Variants in NELL2 observed in about 807,000 individuals in gnomAD.
NELL2 encodes the protein protein kinase C-binding protein NELL2.
Under a neutral mutation model 109.6 loss-of-function variants are expected in NELL2, and 41 were observed. The ratio of observed to expected loss-of-function variants is 0.37; its 90% confidence interval spans 0.29 to 0.49. NELL2 has a LOEUF of 0.49. NELL2 is among the 20% of genes least tolerant of loss of function. The pLI, the probability that NELL2 is intolerant of heterozygous loss-of-function variation, is 0.98. For synonymous variants in NELL2, 355 were observed against 344.7 expected (o/e 1.03, Z -0.33); for missense variants, 900 against 1,008.3 (o/e 0.89, Z 1.45).
intron 9 of NELL2, among the ~76,000 whole-genome samples, chr12:44,739,337 T>A (rs1215628705): frequency 1.3e-5 from 2 of 152,156 alleles, no homozygotes; most frequent in East Asian, 3.9e-4. Context: ...TACATCTAAA[T>A]GGTATGAAAT....
chr12:44,624,646 G>T (rs1367416324), intron 13 of NELL2, among the ~76,000 whole-genome samples: 1 of 152,014 alleles, frequency 6.6e-6, no homozygotes, highest in Non-Finnish European at 1.5e-5. Context: ...ATCCCTTTAA[G>T]GTAAAGTGGG....
At chr12:44,716,093 C>A (rs981464585) in intron 9 of NELL2, among the ~76,000 whole-genome samples, 3 of 152,072 alleles carry the variant, frequency 2.0e-5, no homozygotes, top group Admixed American at 1.3e-4. Context: ...AGCCACCATG[C>A]CTGGTCTATT....
At chr12:44,836,259 T>A (rs1205701217) in intron 2 of NELL2, among the ~76,000 whole-genome samples, 3 of 152,160 alleles carry the variant, frequency 2.0e-5, no homozygotes, top group Non-Finnish European at 1.5e-5. Flanking sequence ...CACAGTGAAT[T>A]CCAATTCTAT....
chr12:44,661,343 ACTTT>A (rs1409033797), intron 13 of NELL2, among the ~76,000 whole-genome samples: 1 of 152,180 alleles, frequency 6.6e-6, no homozygotes, highest in Non-Finnish European at 1.5e-5. Flanking sequence ...TTGCAAGTGT[ACTTT>A]CTTTCTTGCA....
At chr12:44,698,665 C>T (rs1176975788) in intron 12 of NELL2, among the ~76,000 whole-genome samples, 4 of 152,282 alleles carry the variant, frequency 2.6e-5, no homozygotes, top group Middle Eastern at 3.4e-3. Flanking sequence ...TGGGCTCAGA[C>T]TATACTAAAC....
chr12:44,518,844 G>A (rs899038704), intron 19 of NELL2, among the ~76,000 whole-genome samples: 13 of 152,074 alleles, frequency 8.5e-5, no homozygotes, highest in African/African-American at 1.9e-4. Flanking sequence ...AAGGAACATC[G>A]CATATACATT....
Position 44,665,525 on chromosome 12 carries a change from C to T in NELL2, c.1403G>A (p.Cys468Tyr). ...ATCAATTCTGATGTATCCAGTTTTGCAGATGCACATAAAAGAACCCGGGGT... is the reference window on the plus strand; with the variant it reads ...ATCAATTCTGATGTATCCAGTTTTGTAGATGCACATAAAAGAACCCGGGGT... ...VNTPGSFMCI[C>Y]KTGYIRIDDY... Residue 468 changes from cysteine to tyrosine, a missense_variant, in exon 13 of 20, where the codon TGC becomes TAC. This residue lies in a region of NELL2 where 292 missense variants were observed against 265.3 expected (regional missense o/e 1.10). Coordinates refer to ENST00000429094, the MANE Select transcript of NELL2 (RefSeq NM_001145108.2). 6.2e-7 allele frequency: 1 copy of T among 1,613,474 alleles called. No individual in the cohort carries two copies. The highest frequency in any genetic ancestry group is 8.5e-7 in the Non-Finnish European group (1 of 1,179,478).
intron 2 of NELL2, among the ~76,000 whole-genome samples, chr12:44,872,163 G>T (rs751004246): frequency 6.6e-5 from 10 of 152,096 alleles, no homozygotes; most frequent in Non-Finnish European, 1.5e-4. Flanking sequence ...ACCTTTCATA[G>T]GTCTTTTTAT....
chr12:44,766,031 A>C (rs1277865930), intron 9 of NELL2, among the ~76,000 whole-genome samples: 1 of 151,794 alleles, frequency 6.6e-6, no homozygotes, highest in East Asian at 1.9e-4. Flanking sequence ...GGCTGCAGTG[A>C]GTCAAGATTG....
At chr12:44,661,954 C>CTCTCTCTCTGTCTTTCTTCCCTTG (rs1947758701) in intron 13 of NELL2, among the ~76,000 whole-genome samples, 1 of 151,858 alleles carries the variant, frequency 6.6e-6, no homozygotes, top group Non-Finnish European at 1.5e-5. Flanking sequence ...TCCTGCTCCT[C>CTCTCTCTCTGTCTTTCTTCCCTTG]TCTCTCTCTG....
chr12:44,567,969 A>G (rs1004619686), intron 15 of NELL2, among the ~76,000 whole-genome samples: 3 of 152,160 alleles, frequency 2.0e-5, no homozygotes, highest in Non-Finnish European at 4.4e-5. Context: ...AAACAGAAAT[A>G]CTATACATAG....
intron 19 of NELL2, among the ~76,000 whole-genome samples, chr12:44,518,691 G>T (rs1941390454): frequency 6.6e-6 from 1 of 152,120 alleles, no homozygotes; most frequent in African/African-American, 2.4e-5. Context: ...TTGCTCAGAA[G>T]AATAATCTCA....
intron 3 of NELL2, among the ~76,000 whole-genome samples, chr12:44,797,726 A>C (rs913323957): frequency 3.3e-5 from 5 of 150,680 alleles, no homozygotes; most frequent in African/African-American, 1.2e-4. Flanking sequence ...GGTCTGAAAA[A>C]CTCAACATTA....
intron 9 of NELL2, among the ~76,000 whole-genome samples, chr12:44,765,447 T>TTA (rs902254607): frequency 3.7e-4 from 57 of 152,184 alleles, no homozygotes; most frequent in Admixed American, 1.0e-3. Context: ...GCCCTATGGC[T>TTA]TAACCCAAAT....
chr12:44,619,511 A>C (rs1720103139), intron 13 of NELL2, among the ~76,000 whole-genome samples: 1 of 152,122 alleles, frequency 6.6e-6, no homozygotes, highest in Non-Finnish European at 1.5e-5. Flanking sequence ...CTCTCTTTTT[A>C]ATCCCTCTTT....
intron 13 of NELL2, among the ~76,000 whole-genome samples, chr12:44,659,568 C>T (rs781656767): frequency 2.0e-5 from 3 of 152,118 alleles, no homozygotes; most frequent in Non-Finnish European, 4.4e-5. Context: ...CAACAGAAGA[C>T]ATTCATGTGG....
chr12:44,641,443 CAT>C (rs1321144746), intron 13 of NELL2, among the ~76,000 whole-genome samples: 1 of 152,052 alleles, frequency 6.6e-6, no homozygotes, highest in Non-Finnish European at 1.5e-5. Flanking sequence ...CAGTATCTGA[CAT>C]AAAGCCAATC....
chr12:44,733,719 A>G (rs1005944959), intron 9 of NELL2, among the ~76,000 whole-genome samples: 1 of 151,984 alleles, frequency 6.6e-6, no homozygotes, highest in African/African-American at 2.4e-5. Flanking sequence ...TTTTTTATCC[A>G]AAAATAAAAA....
rs11182614 is a variant in NELL2 at position 44,694,212 on chromosome 12, C to T, written c.1318+9514G>A. 3.0e-3 allele frequency among the ~76,000 whole-genome samples: 455 copies of T among 152,202 alleles called. 3 individuals are homozygous for T. The highest frequency in any genetic ancestry group is 0.026 in the East Asian group (133 of 5,174). On this transcript the variant is annotated intron_variant, in intron 12 of 19. Coordinates refer to ENST00000429094, the MANE Select transcript of NELL2 (RefSeq NM_001145108.2). ...AGTAAAGCAGATTATCCCTCCCTAA[C>T]GTGGGCAGGCCTCATACAATCAATT...
Sources: gnomAD v4.1 joint callset for allele counts (sites outside exome capture counted in the v4.1 genomes callset) on GRCh38, gnomAD v4.1.1 for gene constraint, gnomAD v4.1.1 regional missense constraint, MANE v1.5 for transcripts, NCBI Gene and HGNC (gene_info 2026-07-23, HGNC 2026-07-21) for gene names.